Variants in HSP90B1 observed in about 807,000 individuals in gnomAD.
The protein encoded by HSP90B1 is endoplasmin.
In HSP90B1, 27 loss-of-function variants were observed where a neutral mutation model predicts 100.4. The ratio of observed to expected loss-of-function variants is 0.27; its 90% CI spans 0.20 to 0.37. The LOEUF (loss-of-function observed/expected upper bound fraction) is 0.37. Among genes scored for constraint, HSP90B1 ranks in the 10% least tolerant of loss-of-function variants. The pLI is 1.00. For missense variants in HSP90B1, 678 were observed against 960.5 expected, an observed-to-expected ratio of 0.71 and a Z score of 3.89; for synonymous variants, 304 against 330.8, an observed-to-expected ratio of 0.92 and a Z score of 0.88.
In HSP90B1 at chr12:103,930,444, C is replaced by T. The variant is rs2136211299; in HGVS notation, c.-72C>T. ...ACCGCGCGGCTGGAGGTGTGAGGAT[C>T]CGAACCCAGGGGTGGGGGGTGGAGG... On this transcript the variant is annotated 5_prime_UTR_variant, in exon 1 of 18. Transcript: ENST00000299767. The surrounding 1 kb of genome is among the most constrained non-coding windows in gnomAD (Gnocchi z 4.4). The T allele has an allele frequency of 2.1e-6, 3 of 1,462,910 alleles. No homozygotes were observed. Among genetic ancestry groups the T allele is most frequent in the Non-Finnish European group, 2.8e-6 (3 of 1,080,508 alleles). 90.6% of individuals were successfully genotyped at this position (1,462,910 alleles called of 1,614,324 possible).
At position 103,930,782 on chromosome 12, in the gene HSP90B1, A is replaced by G. The variant is rs1357106772; in HGVS notation, c.49+218A>G. Among the ~76,000 whole-genome samples the G allele has an allele frequency of 6.6e-6, 1 of 152,070 alleles. No homozygotes were observed. Among genetic ancestry groups the G allele is most frequent in the East Asian group, 1.9e-4 (1 of 5,170 alleles). The stretch of plus-strand genomic sequence containing the variant: ...CATCATCTAACTGCCCTACAGATCT[A>G]ATAGTATCTCGCCCGGAGGTCTCAG... On this transcript the variant is annotated intron_variant, in intron 1 of 17. Transcript: ENST00000299767. The surrounding 1 kb of genome is among the most constrained non-coding windows in gnomAD (Gnocchi z 4.4).
intron 2 of HSP90B1, 57 bp from the exon 3 acceptor site, chr12:103,932,220 C>G: frequency 4.9e-6 from 7 of 1,431,488 alleles, no homozygotes; most frequent in Non-Finnish European, 5.7e-6. Flanking sequence ...CATAATTCCT[C>G]TAGTTTTGAA....
intron 8 of HSP90B1, among the ~76,000 whole-genome samples, chr12:103,939,952 C>G (rs1593490268): frequency 6.6e-6 from 1 of 152,182 alleles, no homozygotes; most frequent in African/African-American, 2.4e-5. Context: ...AAAATTGCAG[C>G]AGTTATTAAA....
chr12:103,940,408 T>G (rs10160885), intron 8 of HSP90B1, among the ~76,000 whole-genome samples: 3 of 152,114 alleles, frequency 2.0e-5, no homozygotes, highest in African/African-American at 7.2e-5. Context: ...ATTGATAAAG[T>G]TTGTTTAAAG....
At chr12:103,938,599 G>A in intron 7 of HSP90B1, 140 bp downstream of exon 7, 1 of 873,142 alleles carries the variant, frequency 1.1e-6, no homozygotes, top group South Asian at 1.9e-5. Context: ...TTAAAATAAG[G>A]CCTTTGTTTG....
rs1364927993 is a variant in HSP90B1, at chr12:103,941,970, AGT to A, written c.1374+74_1374+75del. ...TTCAGAGGACAGGCTCCATTTGTGG[AGT>A]AAAACCAGATTTTGGGTCTGGTCCA... On this transcript the variant is annotated intron_variant, in intron 11 of 17. Coordinates refer to ENST00000299767, the MANE Select transcript of HSP90B1 (RefSeq NM_003299.3). 7 of 1,101,630 alleles carry A rather than the reference AGT, an allele frequency of 6.4e-6. No individual in the cohort carries two copies. In the African/African-American group the frequency reaches 8.9e-5, roughly 14 times the overall value. The allele number at this position is 1,101,630 out of a possible 1,614,324, so 68.2% of individuals were successfully genotyped here. A position where few individuals can be genotyped will look rare whatever the true frequency, so the allele number is the denominator to read the frequency against.
chr12:103,942,831 G>C (rs376955565), intron 12 of HSP90B1, 35 bp downstream of exon 12: 4 of 1,607,216 alleles, frequency 2.5e-6, no homozygotes, highest in Non-Finnish European at 3.4e-6. Flanking sequence ...CAGCCATTCT[G>C]GAAGGTAGCT....
intron 8 of HSP90B1, 22 bp from the exon 9 acceptor site, chr12:103,941,388 C>CT: frequency 1.2e-6 from 2 of 1,610,054 alleles, no homozygotes; most frequent in Non-Finnish European, 1.7e-6. Context: ...GTTTGAATGA[C>CT]TAAGATACCA....
rs1870252126 is a variant in HSP90B1 at position 103,946,916 on chromosome 12, G to C, written c.2237G>C (p.Ser746Thr). The C allele has an allele frequency of 6.2e-7, 1 of 1,613,756 alleles. No homozygotes were observed. The highest frequency in any genetic ancestry group is 8.5e-7 in the Non-Finnish European group (1 of 1,179,904). Residue 746 changes from serine (S) to threonine (T), a missense_variant, in exon 16 of 18, where the codon AGT becomes ACT. Ser to Thr is a moderately conservative substitution (Grantham distance 58). Transcript: ENST00000299767. ...GDRIERMLRL[S>T]LNIDPDAKVE... ...AGAATAGAAAGAATGCTTCGCCTCA[G>C]TTTGAACATTGACCCTGATGCAAAG...
chr12:103,945,473 G>T (rs1271760497), intron 14 of HSP90B1, among the ~76,000 whole-genome samples: 1 of 152,128 alleles, frequency 6.6e-6, no homozygotes, highest in Non-Finnish European at 1.5e-5. Flanking sequence ...GATTTTGAAG[G>T]TATATTCAAA....
rs760451741 is a variant in HSP90B1 at position 103,943,864 on chromosome 12, A to G, written c.2017A>G (p.Ile673Val). Residue 673 changes from isoleucine to valine, a missense_variant, in exon 14 of 18, where the codon ATC becomes GTC. Coordinates refer to ENST00000299767, the MANE Select transcript of HSP90B1 (RefSeq NM_003299.3). The surrounding 1 kb of genome is among the most constrained non-coding windows in gnomAD (Gnocchi z 5.3). ...ACAAGCGTACCAAACGGGCAAGGACATCTCTACAAAGTAAGCATCCTCGGG... is the reference window on the plus strand; with the variant it reads ...ACAAGCGTACCAAACGGGCAAGGACGTCTCTACAAAGTAAGCATCCTCGGG... Reference protein sequence around the residue: ...KAQAYQTGKDISTNYYASQKK... With the variant: ...KAQAYQTGKDVSTNYYASQKK... 3 of 1,613,494 alleles carry G rather than the reference A, an allele frequency of 1.9e-6. No individual in the cohort carries two copies. The highest frequency in any genetic ancestry group is 1.6e-4 in the Middle Eastern group (1 of 6,062).
At position 103,946,467 on chromosome 12, in the gene HSP90B1, G is replaced by A; in HGVS notation, c.2028-151G>A. The A allele has an allele frequency of 4.9e-6, 3 of 610,772 alleles. No homozygotes were observed. The Admixed American group carries it at 9.0e-5, about 18-fold the overall frequency. 37.8% of individuals were successfully genotyped at this position (610,772 alleles called of 1,614,324 possible). A position where few individuals can be genotyped will look rare whatever the true frequency, so the allele number is the denominator to read the frequency against. ...TTATTGGAAAAAAAATAGCATATAA[G>A]TTCAAACCTGTGGTGTTCAAGTGTC... On this transcript the variant is annotated intron_variant, in intron 14 of 17. Coordinates refer to ENST00000299767, the MANE Select transcript of HSP90B1 (RefSeq NM_003299.3).
intron 7 of HSP90B1, 72 bp downstream of exon 7, chr12:103,938,531 T>G (rs1423313713): frequency 1.3e-6 from 2 of 1,511,706 alleles, no homozygotes; most frequent in Non-Finnish European, 8.9e-7. Context: ...AACCTAAGTA[T>G]GCACTGGCTG....
rs762944173 is a variant in HSP90B1 at position 103,930,481 on chromosome 12, A to T, written c.-35A>T. On this transcript the variant is annotated 5_prime_UTR_variant, in exon 1 of 18. Transcript: ENST00000299767. This position sits in a 1 kb window ranked among gnomAD's most constrained non-coding sequence, Gnocchi z 4.4. ...GTGGGGGGTGGAGGCGGCTCCTGCG[A>T]TCGAAGGGGACTTGAGACTCACCGG... 4.4e-6 allele frequency: 7 copies of T among 1,582,388 alleles called. No individual in the cohort carries two copies. Among genetic ancestry groups the T allele is most frequent in the Non-Finnish European group, 6.0e-6 (7 of 1,163,992 alleles).
chr12:103,939,145 G>T (rs1190536014), intron 7 of HSP90B1, among the ~76,000 whole-genome samples: 1 of 150,428 alleles, frequency 6.6e-6, no homozygotes, highest in East Asian at 1.9e-4. Context: ...TGCCACCCAG[G>T]CTGGAGTGTG....
At chr12:103,932,139 T>A (rs1869783621) in intron 2 of HSP90B1, 138 bp from the exon 3 acceptor site, 1 of 604,400 alleles carries the variant, frequency 1.7e-6, no homozygotes, top group East Asian at 2.9e-5. Flanking sequence ...TGAGACGGTA[T>A]ATCAGTTATA....
intron 4 of HSP90B1, 57 bp from the exon 5 acceptor site, chr12:103,933,899 T>C (rs1869833556): frequency 1.4e-6 from 2 of 1,405,346 alleles, no homozygotes; most frequent in African/African-American, 1.4e-5. Flanking sequence ...TCCTCAATAT[T>C]TGTTTGGCAT....
In HSP90B1 at chr12:103,946,714, C is replaced by T. The variant is rs1455463786; in HGVS notation, c.2106+18C>T. 1 of 1,611,964 alleles carries T rather than the reference C, an allele frequency of 6.2e-7. No individual in the cohort carries two copies. The highest frequency in any genetic ancestry group is 1.3e-5 in the African/African-American group (1 of 74,870). On this transcript the variant is annotated intron_variant, in intron 15 of 17. Transcript: ENST00000299767. ...GAATTAAGGTAGTATTAAAGCAGTC[C>T]TCTTGCTTGTCTTTTAATTTGAGTA...
intron 16 of HSP90B1, 99 bp downstream of exon 16, chr12:103,947,040 A>T: frequency 7.6e-7 from 1 of 1,307,678 alleles, no homozygotes; most frequent in Non-Finnish European, 1.1e-6. Flanking sequence ...GCTTTGCGAC[A>T]TTTGCCTAAT....
Sources: allele counts gnomAD v4.1 joint callset (sites outside exome capture counted in the v4.1 genomes callset), GRCh38; gene constraint gnomAD v4.1.1; non-coding constraint Gnocchi (gnomAD v3.1); transcripts MANE v1.5; gene names NCBI Gene and HGNC (gene_info 2026-07-23, HGNC 2026-07-21).